PARD3B: variants seen among roughly 807,000 people sequenced by gnomAD.
The protein encoded by PARD3B is par-3 family cell polarity regulator beta.
In PARD3B, 103 loss-of-function variants were observed where a neutral mutation model predicts 130.2. The ratio of observed to expected loss-of-function variants is 0.79; its 90% CI spans 0.67 to 0.93. The LOEUF (loss-of-function observed/expected upper bound fraction) is 0.93, where lower values mean the gene tolerates loss of function less well. Among genes scored for constraint, PARD3B ranks in the 40% least tolerant of loss-of-function variants. The pLI is 0.00. For missense variants in PARD3B, 1,609 were observed against 1,499.2 expected (o/e 1.07, Z -1.21); for synonymous variants, 583 against 553.2 (o/e 1.05, Z -0.76).
intron 2 of PARD3B, among the ~76,000 whole-genome samples, chr2:204,687,601 G>T (rs2037149675): frequency 6.6e-6 from 1 of 152,094 alleles, no homozygotes; most frequent in African/African-American, 2.4e-5. Context: ...ATGTAATTTT[G>T]ATATATACTT....
chr2:205,084,176 T>G (rs2125520774), intron 4 of PARD3B, among the ~76,000 whole-genome samples: 1 of 152,272 alleles, frequency 6.6e-6, no homozygotes, highest in East Asian at 1.9e-4. Context: ...TATGACTCTT[T>G]GCATTCTTAT....
At chr2:205,439,691 T>C (rs528672403) in intron 19 of PARD3B, among the ~76,000 whole-genome samples, 27 of 152,332 alleles carry the variant, frequency 1.8e-4, no homozygotes, top group African/African-American at 6.0e-4. Flanking sequence ...TGGTGTTTAA[T>C]TCACTTATAT....
intron 2 of PARD3B, among the ~76,000 whole-genome samples, chr2:204,806,165 C>T (rs558202183): frequency 6.6e-6 from 1 of 151,704 alleles, no homozygotes; most frequent in Non-Finnish European, 1.5e-5. Context: ...GAACCACAAA[C>T]GACCCAGAAT....
chr2:205,382,928 C>G (rs1477892990), intron 18 of PARD3B, among the ~76,000 whole-genome samples: 1 of 151,792 alleles, frequency 6.6e-6, no homozygotes, highest in Non-Finnish European at 1.5e-5. Context: ...GTAAGTTTAC[C>G]TCATAGGTTC....
At chr2:205,449,206 T>C (rs1336376784) in intron 20 of PARD3B, among the ~76,000 whole-genome samples, 4 of 148,810 alleles carry the variant, frequency 2.7e-5, no homozygotes, top group African/African-American at 9.9e-5. Flanking sequence ...AACTATTTGC[T>C]CTTGATGAAT....
chr2:204,619,462 T>A (rs972312025), intron 1 of PARD3B, among the ~76,000 whole-genome samples: 1 of 152,224 alleles, frequency 6.6e-6, no homozygotes, highest in Admixed American at 6.5e-5. Context: ...AACAGTTTTA[T>A]ATATATAATA....
At chr2:205,614,667 T>C (rs1358442896) in intron 22 of PARD3B, among the ~76,000 whole-genome samples, 1 of 150,902 alleles carries the variant, frequency 6.6e-6, no homozygotes, top group Non-Finnish European at 1.5e-5. Context: ...GATCGCACCA[T>C]TGCACTCCAG....
At chr2:205,148,555 G>C (rs374992422) in intron 10 of PARD3B, among the ~76,000 whole-genome samples, 1 of 152,038 alleles carries the variant, frequency 6.6e-6, no homozygotes, top group East Asian at 1.9e-4. Context: ...TGTCTTGCAG[G>C]TGTCTTATCC....
chr2:204,688,513 G>A (rs1328511805), intron 2 of PARD3B, among the ~76,000 whole-genome samples: 2 of 148,338 alleles, frequency 1.3e-5, no homozygotes, highest in African/African-American at 2.5e-5. Flanking sequence ...CCAGGAGGCA[G>A]AGGTTGCAGT....
intron 2 of PARD3B, among the ~76,000 whole-genome samples, chr2:204,787,027 G>A (rs2042034980): frequency 6.6e-6 from 1 of 151,836 alleles, no homozygotes; most frequent in East Asian, 1.9e-4. Flanking sequence ...TACTTTTTTT[G>A]TTGTTAACAT....
intron 19 of PARD3B, 73 bp downstream of exon 19, chr2:205,401,196 C>G (rs935269078): frequency 8.4e-7 from 1 of 1,189,500 alleles, no homozygotes; most frequent in Admixed American, 2.0e-5. Flanking sequence ...TTGCAACAGT[C>G]AACTGGAGAA....
intron 1 of PARD3B, among the ~76,000 whole-genome samples, chr2:204,571,937 T>G (rs2032027724): frequency 6.6e-6 from 1 of 152,178 alleles, no homozygotes. Flanking sequence ...AAAAGGTCAA[T>G]CACAGTGAAC....
At position 204,906,055 on chromosome 2, in the gene PARD3B, G is replaced by C. The variant is rs2125714231; in HGVS notation, c.223-59097G>C. Among the ~76,000 whole-genome samples the C allele has an allele frequency of 6.6e-6, 1 of 152,290 alleles. No homozygotes were observed. Among genetic ancestry groups the C allele is most frequent in the African/African-American group, 2.4e-5 (1 of 41,560 alleles). Reference sequence around the variant, plus strand: ...AGTTGTAGCCATTACTTTATTTTGGGCTAGAGTAATTTTTGCTAAATAATG... The same window carrying C: ...AGTTGTAGCCATTACTTTATTTTGGCCTAGAGTAATTTTTGCTAAATAATG... On this transcript the variant is annotated intron_variant, in intron 2 of 22. Transcript: ENST00000406610. This position sits in a 1 kb window ranked among gnomAD's most constrained non-coding sequence, Gnocchi z 4.3.
chr2:205,211,775 T>C (rs1327857571), intron 15 of PARD3B, among the ~76,000 whole-genome samples: 1 of 152,106 alleles, frequency 6.6e-6, no homozygotes, highest in Non-Finnish European at 1.5e-5. Context: ...TTAAGTGGGC[T>C]GGGAATAAGC....
intron 1 of PARD3B, among the ~76,000 whole-genome samples, chr2:204,554,319 T>G (rs1309558881): frequency 6.6e-6 from 1 of 152,170 alleles, no homozygotes; most frequent in Non-Finnish European, 1.5e-5. Flanking sequence ...CTTGACCCTT[T>G]GCCTGGACAT....
intron 2 of PARD3B, among the ~76,000 whole-genome samples, chr2:204,764,715 C>CATGTGTGTGTGTGTGTGT (rs60298501): frequency 1.5e-3 from 223 of 145,746 alleles, no homozygotes; most frequent in African/African-American, 5.5e-3. Context: ...GGCATGCATG[C>CATGTGTGTGTGTGTGTGT]GTGTGTGTGT....
chr2:205,398,288 T>C (rs1011155624), intron 18 of PARD3B, among the ~76,000 whole-genome samples: 1 of 149,824 alleles, frequency 6.7e-6, no homozygotes, highest in African/African-American at 2.5e-5. Context: ...GTAACAAGAG[T>C]GAAACAACGT....
At chr2:205,156,665 A>G (rs937605892) in intron 10 of PARD3B, among the ~76,000 whole-genome samples, 4 of 152,080 alleles carry the variant, frequency 2.6e-5, no homozygotes, top group South Asian at 2.1e-4. Flanking sequence ...CAGTTTCCTC[A>G]TCTGTGGAAT....
At chr2:205,113,065 T>G (rs1703753428) in intron 5 of PARD3B, among the ~76,000 whole-genome samples, 1 of 152,206 alleles carries the variant, frequency 6.6e-6, no homozygotes, top group Non-Finnish European at 1.5e-5. Flanking sequence ...TTTCCTCTGT[T>G]CCAGAGAAGA....
Sources: allele counts gnomAD v4.1 joint callset (sites outside exome capture counted in the v4.1 genomes callset), GRCh38; gene constraint gnomAD v4.1.1; non-coding constraint Gnocchi (gnomAD v3.1); transcripts MANE v1.5; gene names NCBI Gene and HGNC (gene_info 2026-07-23, HGNC 2026-07-21).